Variants in EYS observed in about 807,000 individuals in gnomAD.
EYS encodes the protein protein eyes shut homolog.
A neutral mutation model predicts 282.1 loss-of-function variants in EYS; 250 were observed. The observed-to-expected ratio is 0.89, with a 90% confidence interval of 0.80 to 0.98. EYS has a LOEUF of 0.98. Among genes scored for constraint, EYS ranks in the 50% least tolerant of loss-of-function variants. The pLI is 0.00. For synonymous variants in EYS, 1,355 were observed against 1,282.9 expected (o/e 1.06, Z -1.20); for missense variants, 4,016 against 3,709.0 (o/e 1.08, Z -2.15).
chr6:63,894,571 T>C (rs901206851), intron 35 of EYS, among the ~76,000 whole-genome samples: 4 of 149,406 alleles, frequency 2.7e-5, no homozygotes, highest in Non-Finnish European at 6.0e-5. Context: ...TCTGTTGTTT[T>C]TTTTTGTTTG....
At chr6:64,363,611 T>G (rs1772093956) in intron 29 of EYS, among the ~76,000 whole-genome samples, 1 of 151,908 alleles carries the variant, frequency 6.6e-6, no homozygotes, top group Non-Finnish European at 1.5e-5. Context: ...GTAATGTGCT[T>G]AACAGGCCTT....
chr6:64,327,011 G>A (rs761990835), intron 29 of EYS, among the ~76,000 whole-genome samples: 1 of 152,112 alleles, frequency 6.6e-6, no homozygotes, highest in Non-Finnish European at 1.5e-5. Context: ...GATGTGGATG[G>A]GGCCCACGAG....
At chr6:65,335,212 A>G in intron 10 of EYS, 66 bp from the exon 11 acceptor site, 3 of 1,164,036 alleles carry the variant, frequency 2.6e-6, no homozygotes, top group East Asian at 4.8e-5. Context: ...TACAATTGTG[A>G]CCTGAGAGAT....
chr6:65,447,332 G>A (rs199758472), intron 5 of EYS, among the ~76,000 whole-genome samples: 33 of 140,218 alleles, frequency 2.4e-4, no homozygotes, highest in South Asian at 4.5e-4. Context: ...ATATGTGTGT[G>A]TATATATATA....
chr6:65,663,581 A>G (rs1481603978), intron 1 of EYS, among the ~76,000 whole-genome samples: 1 of 152,250 alleles, frequency 6.6e-6, no homozygotes, highest in East Asian at 1.9e-4. Context: ...CAAAGTGGGC[A>G]GAAAGATAGC....
intron 1 of EYS, among the ~76,000 whole-genome samples, chr6:65,660,974 A>C (rs1767984343): frequency 6.6e-6 from 1 of 151,914 alleles, no homozygotes; most frequent in Admixed American, 6.6e-5. Context: ...GATATTTAAT[A>C]ATATAAATTG....
chr6:65,503,952 A>AT (rs927623528), intron 2 of EYS, among the ~76,000 whole-genome samples: 1 of 151,628 alleles, frequency 6.6e-6, no homozygotes, highest in African/African-American at 2.4e-5. Context: ...TTGCCTTACC[A>AT]TAAAAACTCT....
At chr6:63,727,879 T>G (rs1235239924) in intron 41 of EYS, among the ~76,000 whole-genome samples, 1 of 147,084 alleles carries the variant, frequency 6.8e-6, no homozygotes, top group African/African-American at 2.6e-5. Flanking sequence ...TAAGCTGAGA[T>G]GGCACCACTG....
chr6:64,153,752 A>G (rs565523691), intron 31 of EYS, among the ~76,000 whole-genome samples: 1 of 152,344 alleles, frequency 6.6e-6, no homozygotes, highest in African/African-American at 2.4e-5. Context: ...TAATATAGTC[A>G]AAGATGTGGA....
intron 29 of EYS, among the ~76,000 whole-genome samples, chr6:64,326,376 G>A (rs113357898): frequency 0.013 from 2,022 of 152,138 alleles, 44 homozygotes; most frequent in African/African-American, 0.046. Flanking sequence ...AGTTTAGGTC[G>A]CAAGACATGT....
chr6:63,894,908 C>G (rs1257937746), intron 35 of EYS, among the ~76,000 whole-genome samples: 1 of 152,036 alleles, frequency 6.6e-6, no homozygotes. Context: ...TTTTAAGCCA[C>G]TCAGTTTGTG....
intron 40 of EYS, among the ~76,000 whole-genome samples, chr6:63,774,899 T>TAAA (rs11418361): frequency 3.5e-5 from 5 of 141,676 alleles, no homozygotes; most frequent in African/African-American, 1.0e-4. Flanking sequence ...TTTATTTACC[T>TAAA]AAAAAAAAAA....
chr6:64,962,138 G>A (rs1239909116), intron 14 of EYS, among the ~76,000 whole-genome samples: 2 of 151,806 alleles, frequency 1.3e-5, no homozygotes, highest in African/African-American at 4.8e-5. Context: ...TATTCTAGTT[G>A]CTATTCTTCT....
intron 13 of EYS, among the ~76,000 whole-genome samples, chr6:65,030,926 C>A (rs990978297): frequency 6.6e-6 from 1 of 151,872 alleles, no homozygotes; most frequent in African/African-American, 2.4e-5. Flanking sequence ...GCAATGACAC[C>A]CATAGCCTCA....
intron 13 of EYS, among the ~76,000 whole-genome samples, chr6:65,043,793 A>G (rs1230774355): frequency 6.6e-6 from 1 of 151,604 alleles, no homozygotes; most frequent in Non-Finnish European, 1.5e-5. Flanking sequence ...ATTGACAGAC[A>G]CTTAGGTTGA....
intron 30 of EYS, among the ~76,000 whole-genome samples, chr6:64,261,107 A>G (rs769580901): frequency 9.2e-5 from 14 of 152,036 alleles, no homozygotes; most frequent in Non-Finnish European, 1.9e-4. Context: ...TTGTACACCA[A>G]ATACTAGATC....
At chr6:65,583,871 A>G (rs867476385) in intron 2 of EYS, among the ~76,000 whole-genome samples, 1 of 152,132 alleles carries the variant, frequency 6.6e-6, no homozygotes, top group Middle Eastern at 3.4e-3. Context: ...CAGAATGTTA[A>G]TATGTTCATA....
chr6:65,400,999 T>C lies in EYS; in HGVS notation c.1184+1479A>G, dbSNP rs1317200077. On this transcript the variant is annotated intron_variant, in intron 7 of 42. Transcript: ENST00000503581. ...ACAATCAGCATCACTTACGACTTGA[T>C]TGGAAATGTACATTTGCAATCCTCA... is the stretch of plus-strand genomic sequence containing the variant. Among the ~76,000 whole-genome samples the C allele has an allele frequency of 3.9e-5, 6 of 151,924 alleles. No homozygotes were observed. The East Asian group carries it at 7.7e-4, about 20-fold the overall frequency.
intron 5 of EYS, among the ~76,000 whole-genome samples, chr6:65,443,677 T>C (rs1198935665): frequency 4.6e-5 from 7 of 151,168 alleles, no homozygotes; most frequent in Non-Finnish European, 7.4e-5. Context: ...ATACATCATA[T>C]ACACACATAC....
Sources: gnomAD v4.1 joint callset for allele counts (sites outside exome capture counted in the v4.1 genomes callset) on GRCh38, gnomAD v4.1.1 for gene constraint, MANE v1.5 for transcripts, NCBI Gene and HGNC (gene_info 2026-07-23, HGNC 2026-07-21) for gene names.